Variants in DLG2 observed in about 807,000 individuals in gnomAD.
The protein encoded by DLG2 is disks large homolog 2.
Under a neutral mutation model 132.5 loss-of-function variants are expected in DLG2, and 45 were observed. The observed-to-expected ratio is 0.34, with a 90% CI of 0.27 to 0.44. DLG2 has a LOEUF of 0.44. DLG2 is among the 20% of genes least tolerant of loss of function. The pLI is 1.00. For synonymous variants in DLG2, 424 were observed against 419.6 expected, an observed-to-expected ratio of 1.01 and a Z score of -0.13; for missense variants, 1,045 against 1,196.9, an observed-to-expected ratio of 0.87 and a Z score of 1.87.
At chr11:84,181,099 T>A (rs183584473) in intron 8 of DLG2, among the ~76,000 whole-genome samples, 1 of 152,050 alleles carries the variant, frequency 6.6e-6, no homozygotes, top group Admixed American at 6.6e-5. Flanking sequence ...ATTATATATG[T>A]GCTTATATAT....
rs200874617 is a variant in DLG2, at chr11:84,769,523, GAGA to G, written c.358-234795_358-234793del. Among the ~76,000 whole-genome samples the G allele has an allele frequency of 2.8e-4, 42 of 152,262 alleles. No individual in the cohort carries two copies. The East Asian group carries it at 7.7e-3, about 28-fold the overall frequency. The stretch of plus-strand genomic sequence containing the variant: ...ATAAATTATTGGTATTGCTGAGAAA[GAGA>G]AGAAGTAAGCAACGTGGAAAACATA... On this transcript the variant is annotated intron_variant, in intron 6 of 27. Coordinates refer to ENST00000376104, the MANE Select transcript of DLG2 (RefSeq NM_001142699.3).
chr11:84,889,821 A>G (rs1035784995), intron 6 of DLG2, among the ~76,000 whole-genome samples: 1 of 152,170 alleles, frequency 6.6e-6, no homozygotes, highest in South Asian at 2.1e-4. Flanking sequence ...TGATACATCC[A>G]TCCTTGACTC....
At chr11:85,161,544 G>C (rs567313322) in intron 4 of DLG2, among the ~76,000 whole-genome samples, 2 of 152,304 alleles carry the variant, frequency 1.3e-5, no homozygotes, top group Admixed American at 1.3e-4. Context: ...CTCCGGATAT[G>C]GGTTTGCCTA....
chr11:84,464,553 A>AT (rs919939505), intron 7 of DLG2, among the ~76,000 whole-genome samples: 9 of 151,220 alleles, frequency 6.0e-5, no homozygotes, highest in Admixed American at 5.9e-4. Context: ...ACTTTAGGTA[A>AT]TTTTTTTCAG....
chr11:83,469,703 T>G (rs1448735899), intron 24 of DLG2, among the ~76,000 whole-genome samples: 3 of 152,116 alleles, frequency 2.0e-5, no homozygotes, highest in Admixed American at 6.6e-5. Context: ...CACATGGTGC[T>G]AGAAGACACG....
intron 21 of DLG2, among the ~76,000 whole-genome samples, chr11:83,521,079 T>G (rs1202247184): frequency 6.6e-6 from 1 of 152,182 alleles, no homozygotes; most frequent in Non-Finnish European, 1.5e-5. Flanking sequence ...CCTAGAACAG[T>G]GCTGAACATG....
chr11:84,407,534 T>C (rs183843714), intron 7 of DLG2, among the ~76,000 whole-genome samples: 14 of 152,290 alleles, frequency 9.2e-5, no homozygotes, highest in African/African-American at 3.1e-4. Context: ...GGTTATGTTG[T>C]TGTTACTGTT....
intron 8 of DLG2, among the ~76,000 whole-genome samples, chr11:84,168,633 T>C (rs989544432): frequency 6.6e-6 from 1 of 152,174 alleles, no homozygotes; most frequent in Non-Finnish European, 1.5e-5. Context: ...AATGAAGTTT[T>C]TGGATGGGTT....
At chr11:83,582,014 T>C (rs915905978) in intron 19 of DLG2, among the ~76,000 whole-genome samples, 4 of 121,852 alleles carry the variant, frequency 3.3e-5, no homozygotes, top group Non-Finnish European at 6.4e-5. Context: ...TGGAGTGCAA[T>C]GGCTCAATCT....
At chr11:84,914,470 C>A (rs533455300) in intron 6 of DLG2, among the ~76,000 whole-genome samples, 1 of 152,190 alleles carries the variant, frequency 6.6e-6, no homozygotes, top group Non-Finnish European at 1.5e-5. Context: ...TCAACGGATG[C>A]TCAAACTTCA....
chr11:85,306,090 A>C (rs571467764), intron 3 of DLG2, among the ~76,000 whole-genome samples: 1 of 152,284 alleles, frequency 6.6e-6, no homozygotes, highest in African/African-American at 2.4e-5. Flanking sequence ...AAATACAGAA[A>C]ATACCCATCT....
At chr11:85,605,805 C>T (rs568748997) in intron 2 of DLG2, among the ~76,000 whole-genome samples, 3 of 152,096 alleles carry the variant, frequency 2.0e-5, no homozygotes, top group Non-Finnish European at 4.4e-5. Flanking sequence ...ATGGTGAAAC[C>T]CCGTCTCTAC....
chr11:83,785,459 T>C (rs2095014961), intron 18 of DLG2, among the ~76,000 whole-genome samples: 1 of 152,254 alleles, frequency 6.6e-6, no homozygotes, highest in Non-Finnish European at 1.5e-5. Context: ...GAATATTTCC[T>C]TGGTGTTGTC....
chr11:83,734,049 C>A (rs1293815578), intron 18 of DLG2, among the ~76,000 whole-genome samples: 2 of 151,264 alleles, frequency 1.3e-5, no homozygotes, highest in East Asian at 3.9e-4. Flanking sequence ...TTTCACTTAA[C>A]ACAATGGCTT....
intron 7 of DLG2, among the ~76,000 whole-genome samples, chr11:84,492,643 T>C (rs1253161127): frequency 6.6e-6 from 1 of 152,114 alleles, no homozygotes; most frequent in East Asian, 1.9e-4. Context: ...GAATGTAAAA[T>C]GCGTAGTGCA....
intron 6 of DLG2, among the ~76,000 whole-genome samples, chr11:84,886,034 G>A (rs2088233999): frequency 6.6e-6 from 1 of 152,020 alleles, no homozygotes; most frequent in South Asian, 2.1e-4. Context: ...TTGTTTCCAT[G>A]GGGCTTACAA....
chr11:84,008,148 T>G (rs957146489), intron 11 of DLG2, among the ~76,000 whole-genome samples: 1 of 151,836 alleles, frequency 6.6e-6, no homozygotes, highest in Non-Finnish European at 1.5e-5. Flanking sequence ...TCAAACTCTC[T>G]TAAAATACTT....
chr11:85,398,916 T>G (rs2152959092), intron 3 of DLG2, among the ~76,000 whole-genome samples: 1 of 150,774 alleles, frequency 6.6e-6, no homozygotes, highest in Admixed American at 6.6e-5. Context: ...ATTCCAACAC[T>G]ATGTTCTGGC....
chr11:84,878,611 T>C (rs934689315), intron 6 of DLG2, among the ~76,000 whole-genome samples: 1 of 151,874 alleles, frequency 6.6e-6, no homozygotes, highest in African/African-American at 2.4e-5. Flanking sequence ...ATGTAGATAA[T>C]GGGTGGATGG....
Sources: gnomAD v4.1 joint callset for allele counts (sites outside exome capture counted in the v4.1 genomes callset) on GRCh38, gnomAD v4.1.1 for gene constraint, MANE v1.5 for transcripts, NCBI Gene and HGNC (gene_info 2026-07-23, HGNC 2026-07-21) for gene names.